The following PROM1 variants were observed in gnomAD, a reference collection of about 807,000 sequenced individuals.
The protein encoded by PROM1 is prominin 1.
PROM1 carries 105 observed loss-of-function variants against 116.9 expected under a neutral mutation model. That is an observed-to-expected ratio of 0.90 (90% CI 0.77 to 1.06). PROM1 has a LOEUF of 1.06. Among genes scored for constraint, PROM1 ranks in the 50% least tolerant of loss-of-function variants. The pLI, the probability that PROM1 is intolerant of heterozygous loss-of-function variation, is 0.00. For missense variants in PROM1, 1,122 were observed against 1,045.2 expected (o/e 1.07, Z -1.01); for synonymous variants, 393 against 387.0 (o/e 1.02, Z -0.18).
intron 26 of PROM1, among the ~76,000 whole-genome samples, chr4:15,975,509 A>G (rs1156706363): frequency 6.6e-6 from 1 of 152,154 alleles, no homozygotes; most frequent in Non-Finnish European, 1.5e-5. Flanking sequence ...GTGAGCCACC[A>G]CACCCAGCCT....
intron 2 of PROM1, among the ~76,000 whole-genome samples, chr4:16,049,897 A>C (rs1212575904): frequency 6.6e-6 from 1 of 152,034 alleles, no homozygotes; most frequent in Non-Finnish European, 1.5e-5. Context: ...GATTTCTTTG[A>C]GGCATTGTCC....
At chr4:16,081,151 T>C (rs1360070974) in intron 1 of PROM1, among the ~76,000 whole-genome samples, 2 of 152,088 alleles carry the variant, frequency 1.3e-5, no homozygotes, top group Non-Finnish European at 2.9e-5. Context: ...GCCATGTCGG[T>C]GTGCTGCACC....
chr4:16,046,234 A>T (rs1000243100), intron 2 of PROM1, among the ~76,000 whole-genome samples: 2 of 152,220 alleles, frequency 1.3e-5, no homozygotes, highest in Admixed American at 1.3e-4. Flanking sequence ...GTGAAAATAT[A>T]AACATTTACA....
intron 23 of PROM1, among the ~76,000 whole-genome samples, chr4:15,982,922 C>T (rs1304172221): frequency 9.2e-5 from 14 of 152,086 alleles, no homozygotes; most frequent in Admixed American, 8.5e-4. Flanking sequence ...GACAAGTGAA[C>T]GAGGGAGGTG....
At chr4:16,036,487 A>AT (rs1483155578) in intron 3 of PROM1, among the ~76,000 whole-genome samples, 2 of 152,178 alleles carry the variant, frequency 1.3e-5, no homozygotes, top group Non-Finnish European at 2.9e-5. Flanking sequence ...CACACAGGGC[A>AT]TTTTAAATGA....
chr4:16,052,452 C>T (rs1738101056), intron 2 of PROM1, among the ~76,000 whole-genome samples: 1 of 152,150 alleles, frequency 6.6e-6, no homozygotes, highest in African/African-American at 2.4e-5. Flanking sequence ...CAGAACACCA[C>T]CACTTTACAG....
In PROM1 at chr4:16,000,580, C is replaced by A; in HGVS notation, c.1494G>T (p.Met498Ile). 6.3e-7 allele frequency: 1 copy of A among 1,583,838 alleles called. No individual in the cohort carries two copies. The highest frequency in any genetic ancestry group is 2.2e-5 in the East Asian group (1 of 44,654). ...AGACAAAGGTAAGAACCACAATGATCATCAATATCCAGCAAAAGAGGAAAC... is the reference window on the plus strand; with the variant it reads ...AGACAAAGGTAAGAACCACAATGATAATCAATATCCAGCAAAAGAGGAAAC... ...GLSFLFCWILMIIVVLTFVFG... is the reference protein window; with the variant it reads ...GLSFLFCWILIIIVVLTFVFG... The change falls in exon 14 of 28, where the codon ATG becomes ATT. Residue 498 changes from methionine to isoleucine, a missense_variant. By Grantham distance (10) the Met-to-Ile change is conservative. Transcript: ENST00000447510.
chr4:15,996,430 A>G (rs538989538), intron 15 of PROM1, among the ~76,000 whole-genome samples: 2 of 152,250 alleles, frequency 1.3e-5, no homozygotes, highest in African/African-American at 4.8e-5. Flanking sequence ...GAATCGCTTG[A>G]ACCCAGGAGG....
chr4:15,981,571 CA>C (rs936162759), intron 23 of PROM1, among the ~76,000 whole-genome samples: 18 of 131,430 alleles, frequency 1.4e-4, no homozygotes, highest in Non-Finnish European at 2.3e-4. Flanking sequence ...GACTCTATCT[CA>C]AAAAAAAGAA....
At chr4:16,012,412 C>T (rs1472454005) in intron 11 of PROM1, among the ~76,000 whole-genome samples, 1 of 152,218 alleles carries the variant, frequency 6.6e-6, no homozygotes, top group African/African-American at 2.4e-5. Flanking sequence ...AACCCAAATA[C>T]AGCATGATTC....
Position 16,025,233 on chromosome 4 carries a change from T to A in PROM1, c.589A>T (p.Asn197Tyr). The A allele has an allele frequency of 6.2e-7, 1 of 1,613,990 alleles. No individual in the cohort carries two copies. Among genetic ancestry groups the A allele is most frequent in the Non-Finnish European group, 8.5e-7 (1 of 1,179,844 alleles). Residue 197 changes from asparagine to tyrosine, a missense_variant, in exon 6 of 28, where the codon AAT (asparagine) becomes TAT (tyrosine). Asn to Tyr is a moderately radical substitution (Grantham distance 143). Coordinates refer to ENST00000447510, the MANE Select transcript of PROM1 (RefSeq NM_006017.3). ...IKRSRKLADS[N>Y]FKDLRTLLNE... Reference sequence around the variant, plus strand: ...AAGAGAGTTCGCAAGTCCTTGAAATTGCTATCTGCCAGTTTCCGACTCCTT... The same window carrying A: ...AAGAGAGTTCGCAAGTCCTTGAAATAGCTATCTGCCAGTTTCCGACTCCTT...
intron 2 of PROM1, 128 bp from the exon 3 acceptor site, chr4:16,039,129 T>C (rs543516047): frequency 1.3e-6 from 1 of 757,204 alleles, no homozygotes; most frequent in African/African-American, 1.9e-5. Flanking sequence ...ATAATTTTAT[T>C]CTTATTTCTT....
intron 26 of PROM1, among the ~76,000 whole-genome samples, chr4:15,977,195 A>ATC (rs57027351): frequency 6.6e-5 from 10 of 152,172 alleles, no homozygotes; most frequent in Middle Eastern, 3.4e-3. Context: ...CCAGGCTTGC[A>ATC]TCTCTCTCTC....
rs1394815329 is a variant in PROM1, at chr4:16,081,032, TATATAC to T, written c.-213+2940_-213+2945del. ...CATCCTTTCAAGAAGTCCTTTTATA[TATATAC>T]ATATACATATATATATGTATATGTA... On this transcript the variant is annotated intron_variant, in intron 1 of 27. Transcript: ENST00000447510. 2.7e-5 allele frequency among the ~76,000 whole-genome samples: 4 copies of T among 150,882 alleles called. No individual in the cohort carries two copies. The East Asian group carries it at 5.8e-4, about 22-fold the overall frequency.
At chr4:16,034,797 T>C (rs1733602905) in intron 4 of PROM1, among the ~76,000 whole-genome samples, 1 of 152,202 alleles carries the variant, frequency 6.6e-6, no homozygotes, top group South Asian at 2.1e-4. Context: ...AAATGTGATG[T>C]CTTGGAGGAG....
intron 1 of PROM1, among the ~76,000 whole-genome samples, chr4:16,078,909 TC>T (rs1169020213): frequency 6.6e-6 from 1 of 152,122 alleles, no homozygotes; most frequent in African/African-American, 2.4e-5. Flanking sequence ...CCCAAATTCT[TC>T]CTTTGTCAAA....
intron 10 of PROM1, among the ~76,000 whole-genome samples, chr4:16,013,939 T>C (rs1407246945): frequency 1.4e-5 from 1 of 71,832 alleles, no homozygotes; most frequent in Non-Finnish European, 2.7e-5. Flanking sequence ...AGAAATATAG[T>C]CTAAACGAAA....
chr4:15,975,247 T>C (rs778691612), intron 26 of PROM1, among the ~76,000 whole-genome samples: 1 of 151,992 alleles, frequency 6.6e-6, no homozygotes, highest in Non-Finnish European at 1.5e-5. Flanking sequence ...TGAGACGGAG[T>C]CTCACTCTGT....
chr4:16,030,701 A>G (rs1315702619), intron 5 of PROM1, among the ~76,000 whole-genome samples: 1 of 152,206 alleles, frequency 6.6e-6, no homozygotes, highest in Non-Finnish European at 1.5e-5. Context: ...TATAACATGC[A>G]TAACACATAA....
Sources: allele counts gnomAD v4.1 joint callset (sites outside exome capture counted in the v4.1 genomes callset), GRCh38; gene constraint gnomAD v4.1.1; transcripts MANE v1.5; gene names NCBI Gene and HGNC (gene_info 2026-07-23, HGNC 2026-07-21).